KLHL28: variants seen among roughly 807,000 people sequenced by gnomAD.
The protein encoded by KLHL28 is kelch-like protein 28.
KLHL28 carries 22 observed loss-of-function variants against 48.3 expected under a neutral mutation model. That is an observed-to-expected ratio of 0.46 (90% CI 0.33 to 0.65). KLHL28 has a LOEUF of 0.65. Ranked by LOEUF, KLHL28 falls within the 30% of genes least tolerant of loss-of-function variation. The probability of loss-of-function intolerance (pLI) is 0.03; values close to 1 mark genes in which losing one functional copy is unlikely to be tolerated. For synonymous variants in KLHL28, 243 were observed against 242.4 expected (o/e 1.00, Z -0.02); for missense variants, 527 against 704.3 (o/e 0.75, Z 2.85).
intron 2 of KLHL28, among the ~76,000 whole-genome samples, chr14:44,941,142 A>G (rs1884055663): frequency 6.6e-6 from 1 of 151,978 alleles, no homozygotes; most frequent in Non-Finnish European, 1.5e-5. Flanking sequence ...AAAAAAACTC[A>G]TGTCTCTCTC....
intron 2 of KLHL28, among the ~76,000 whole-genome samples, chr14:44,938,946 G>A (rs1027540261): frequency 5.9e-5 from 9 of 152,174 alleles, no homozygotes; most frequent in Non-Finnish European, 1.2e-4. Flanking sequence ...AGGGTGCTCT[G>A]TAGTGCTTCT....
At chr14:44,956,392 T>A (rs1884794569) in intron 1 of KLHL28, among the ~76,000 whole-genome samples, 1 of 152,332 alleles carries the variant, frequency 6.6e-6, no homozygotes, top group Non-Finnish European at 1.5e-5. Flanking sequence ...GAGAGATAGC[T>A]AGATAATTGG....
intron 2 of KLHL28, among the ~76,000 whole-genome samples, chr14:44,937,825 CAG>C (rs1883891146): frequency 6.6e-6 from 1 of 152,124 alleles, no homozygotes; most frequent in Non-Finnish European, 1.5e-5. Context: ...GTGCACAAGA[CAG>C]AGAAAATGGC....
Position 44,937,443 on chromosome 14 carries a change from G to A in KLHL28, c.900-2885C>T, listed in dbSNP as rs143278133. On this transcript the variant is annotated intron_variant, in intron 2 of 4. Transcript: ENST00000396128. ...ATTACAGGCGTGATCCACTGTGCCC[G>A]GCCCAGAATTGAATTGTTAAATACC... Among the ~76,000 whole-genome samples, 803 of 152,140 alleles carry A rather than the reference G, an allele frequency of 5.3e-3. 9 individuals carry two copies. Among genetic ancestry groups the A allele is most frequent in the African/African-American group, 0.018 (740 of 41,512 alleles).
At chr14:44,939,088 G>GCTTA (rs1883964608) in intron 2 of KLHL28, among the ~76,000 whole-genome samples, 1 of 152,152 alleles carries the variant, frequency 6.6e-6, no homozygotes, top group Admixed American at 6.5e-5. Context: ...CAACACCAAA[G>GCTTA]CTTACTACTT....
intron 1 of KLHL28, among the ~76,000 whole-genome samples, chr14:44,946,271 C>T (rs1884332363): frequency 1.3e-5 from 2 of 152,076 alleles, no homozygotes; most frequent in South Asian, 4.1e-4. Flanking sequence ...TGAGCTATCA[C>T]TGAAATAAAA....
chr14:44,951,005 T>C (rs564893598), intron 1 of KLHL28, among the ~76,000 whole-genome samples: 30 of 152,254 alleles, frequency 2.0e-4, no homozygotes, highest in Non-Finnish European at 4.1e-4. Flanking sequence ...TAGATTTAGA[T>C]AGTTTATTAC....
intron 2 of KLHL28, among the ~76,000 whole-genome samples, chr14:44,937,501 G>C (rs1883876008): frequency 6.6e-6 from 1 of 152,072 alleles, no homozygotes; most frequent in Non-Finnish European, 1.5e-5. Context: ...AAATTGGTTG[G>C]TATGAGAGTA....
chr14:44,948,149 T>C (rs1469699874), intron 1 of KLHL28, among the ~76,000 whole-genome samples: 1 of 152,128 alleles, frequency 6.6e-6, no homozygotes, highest in East Asian at 1.9e-4. Context: ...AAATAGGTAA[T>C]GGGGTTAAGA....
intron 1 of KLHL28, among the ~76,000 whole-genome samples, chr14:44,948,485 T>C (rs2138642308): frequency 6.6e-6 from 1 of 152,280 alleles, no homozygotes; most frequent in Non-Finnish European, 1.5e-5. Context: ...TTAATCTAAG[T>C]ATTAATTGTT....
intron 1 of KLHL28, among the ~76,000 whole-genome samples, chr14:44,950,057 A>G (rs1218712515): frequency 6.6e-6 from 1 of 152,138 alleles, no homozygotes; most frequent in Admixed American, 6.5e-5. Flanking sequence ...CTGGGAAAAA[A>G]GGAGGTCTGA....
intron 1 of KLHL28, among the ~76,000 whole-genome samples, chr14:44,949,334 A>T (rs1238992609): frequency 6.6e-6 from 1 of 152,118 alleles, no homozygotes; most frequent in Non-Finnish European, 1.5e-5. Context: ...GTTACAGACT[A>T]GGTTTGTTTC....
intron 1 of KLHL28, among the ~76,000 whole-genome samples, chr14:44,950,231 A>T (rs1301129254): frequency 1.3e-5 from 2 of 152,032 alleles, no homozygotes; most frequent in East Asian, 3.9e-4. Flanking sequence ...TATTACTAGT[A>T]AATTCTTCGA....
At chr14:44,956,944 A>G (rs1884816506) in intron 1 of KLHL28, among the ~76,000 whole-genome samples, 1 of 152,152 alleles carries the variant, frequency 6.6e-6, no homozygotes, top group African/African-American at 2.4e-5. Context: ...CAGCCTCCCA[A>G]GTAGCTAGAA....
chr14:44,949,004 A>C (rs1371455077), intron 1 of KLHL28, among the ~76,000 whole-genome samples: 1 of 152,140 alleles, frequency 6.6e-6, no homozygotes, highest in Admixed American at 6.5e-5. Flanking sequence ...ACAGAAAAGG[A>C]AAATGTATGC....
At chr14:44,957,534 A>G (rs1216938594) in intron 1 of KLHL28, among the ~76,000 whole-genome samples, 1 of 152,206 alleles carries the variant, frequency 6.6e-6, no homozygotes, top group East Asian at 1.9e-4. Flanking sequence ...ATATTTACTG[A>G]ATCAATTTAT....
chr14:44,959,781 G>A (rs1033310950), intron 1 of KLHL28, among the ~76,000 whole-genome samples: 1 of 151,826 alleles, frequency 6.6e-6, no homozygotes, highest in Non-Finnish European at 1.5e-5. Flanking sequence ...AACTTTCTGA[G>A]GTGTACTATT....
At chr14:44,938,789 T>C (rs1260396399) in intron 2 of KLHL28, among the ~76,000 whole-genome samples, 1 of 152,226 alleles carries the variant, frequency 6.6e-6, no homozygotes, top group Non-Finnish European at 1.5e-5. Context: ...CCCATAACTT[T>C]GCTGGGCTTA....
At chr14:44,932,848 A>G (rs2138586369) in intron 3 of KLHL28, among the ~76,000 whole-genome samples, 1 of 152,342 alleles carries the variant, frequency 6.6e-6, no homozygotes, top group South Asian at 2.1e-4. Context: ...GGCAAAAAAT[A>G]TAAATAAATA....
Sources: allele counts gnomAD v4.1 joint callset (sites outside exome capture counted in the v4.1 genomes callset), GRCh38; gene constraint gnomAD v4.1.1; transcripts MANE v1.5; gene names NCBI Gene and HGNC (gene_info 2026-07-23, HGNC 2026-07-21).